Variants in PCDH9 observed in about 807,000 individuals in gnomAD.
PCDH9 encodes protocadherin 9.
In PCDH9, 24 loss-of-function variants were observed where a neutral mutation model predicts 70.6. That is an observed-to-expected ratio of 0.34 (90% CI 0.25 to 0.48). The LOEUF is 0.48. Ranked by LOEUF, PCDH9 falls within the 20% of genes least tolerant of loss-of-function variation. The pLI is 0.99. For missense variants in PCDH9, 1,281 were observed against 1,503.6 expected, an observed-to-expected ratio of 0.85 and a Z score of 2.45; for synonymous variants, 562 against 558.5, an observed-to-expected ratio of 1.01 and a Z score of -0.09.
chr13:66,807,165 C>T (rs2080423889), intron 3 of PCDH9, among the ~76,000 whole-genome samples: 1 of 152,084 alleles, frequency 6.6e-6, no homozygotes, highest in South Asian at 2.1e-4. Context: ...AATACCAATA[C>T]AAATATACTA....
intron 3 of PCDH9, among the ~76,000 whole-genome samples, chr13:66,869,530 T>G (rs2081635095): frequency 6.6e-6 from 1 of 152,164 alleles, no homozygotes; most frequent in African/African-American, 2.4e-5. Context: ...GTTCCCTTTC[T>G]AAATTGTATT....
chr13:66,925,882 A>T (rs1198765873), intron 2 of PCDH9, among the ~76,000 whole-genome samples: 2 of 152,028 alleles, frequency 1.3e-5, no homozygotes, highest in Admixed American at 6.6e-5. Flanking sequence ...TGTACACATG[A>T]TCATCTGAAT....
At chr13:66,706,146 A>G (rs999822729) in intron 3 of PCDH9, among the ~76,000 whole-genome samples, 1 of 152,228 alleles carries the variant, frequency 6.6e-6, no homozygotes, top group African/African-American at 2.4e-5. Context: ...TACCCTTACA[A>G]AGAAATAATT....
chr13:67,122,772 C>CAATAATAATAATAAT (rs56039213), intron 2 of PCDH9, among the ~76,000 whole-genome samples: 2 of 143,194 alleles, frequency 1.4e-5, no homozygotes, highest in African/African-American at 2.6e-5. Context: ...GACTCTGTCT[C>CAATAATAATAATAAT]AATAATAATA....
intron 3 of PCDH9, among the ~76,000 whole-genome samples, chr13:66,703,909 A>AT (rs1566516437): frequency 1.4e-5 from 2 of 144,030 alleles, no homozygotes; most frequent in South Asian, 4.9e-4. Flanking sequence ...TCAATTAAAA[A>AT]TTAAAAAAAA....
intron 3 of PCDH9, among the ~76,000 whole-genome samples, chr13:66,677,401 A>C (rs1319546730): frequency 6.6e-6 from 1 of 152,144 alleles, no homozygotes; most frequent in Non-Finnish European, 1.5e-5. Flanking sequence ...AAGATGTTTA[A>C]AAGTTTTTTT....
chr13:66,765,347 A>G (rs906821290), intron 3 of PCDH9, among the ~76,000 whole-genome samples: 6 of 152,000 alleles, frequency 3.9e-5, no homozygotes, highest in African/African-American at 1.5e-4. Flanking sequence ...ATAAATTTTT[A>G]ACTTTTCTAT....
intron 2 of PCDH9, among the ~76,000 whole-genome samples, chr13:67,151,387 C>T (rs905885224): frequency 6.6e-6 from 1 of 152,140 alleles, no homozygotes; most frequent in African/African-American, 2.4e-5. Flanking sequence ...TTATTTCCTA[C>T]AGCCTTTGCA....
chr13:66,565,211 C>G (rs375917266), intron 4 of PCDH9, among the ~76,000 whole-genome samples: 1 of 152,160 alleles, frequency 6.6e-6, no homozygotes. Flanking sequence ...TAATGTTTTT[C>G]ACTTTGTATC....
intron 4 of PCDH9, among the ~76,000 whole-genome samples, chr13:66,525,971 T>TC (rs2138621003): frequency 6.6e-6 from 1 of 152,214 alleles, no homozygotes; most frequent in South Asian, 2.1e-4. Context: ...GTACAGCTGT[T>TC]CCCTTTCAAT....
chr13:66,715,035 T>C (rs1036135412), intron 3 of PCDH9, among the ~76,000 whole-genome samples: 5 of 152,176 alleles, frequency 3.3e-5, no homozygotes, highest in African/African-American at 1.2e-4. Context: ...AAGAGTCTTA[T>C]AGGATCACTG....
chr13:67,016,482 A>G (rs1281158852), intron 2 of PCDH9, among the ~76,000 whole-genome samples: 2 of 152,218 alleles, frequency 1.3e-5, no homozygotes, highest in African/African-American at 4.8e-5. Context: ...TTCACAAATA[A>G]GTGGATTGGC....
chr13:66,809,676 T>G (rs892096950), intron 3 of PCDH9, among the ~76,000 whole-genome samples: 3 of 152,218 alleles, frequency 2.0e-5, no homozygotes, highest in African/African-American at 7.2e-5. Flanking sequence ...GTTTCTAATT[T>G]CAGTGCATTC....
intron 4 of PCDH9, among the ~76,000 whole-genome samples, chr13:66,441,011 G>A (rs923221771): frequency 3.9e-5 from 6 of 152,084 alleles, no homozygotes; most frequent in Non-Finnish European, 5.9e-5. Flanking sequence ...CACCATGATC[G>A]TTCTGTCTTT....
At chr13:66,935,572 T>C (rs1335244131) in intron 2 of PCDH9, among the ~76,000 whole-genome samples, 2 of 152,146 alleles carry the variant, frequency 1.3e-5, no homozygotes, top group African/African-American at 4.8e-5. Context: ...AGTGCAATAA[T>C]GCATAGGAAA....
At chr13:67,171,120 G>C (rs893325421) in intron 2 of PCDH9, among the ~76,000 whole-genome samples, 4 of 152,036 alleles carry the variant, frequency 2.6e-5, no homozygotes, top group African/African-American at 9.7e-5. Context: ...ACCATGAACT[G>C]GTGCCATATT....
chr13:66,395,825 A>C (rs1484894545), intron 4 of PCDH9, among the ~76,000 whole-genome samples: 1 of 152,070 alleles, frequency 6.6e-6, no homozygotes, highest in Non-Finnish European at 1.5e-5. Flanking sequence ...AAATGCTCTT[A>C]TAGTATCTTT....
chr13:66,846,882 A>AACACAC (rs1320767995), intron 3 of PCDH9, among the ~76,000 whole-genome samples: 1 of 54,448 alleles, frequency 1.8e-5, no homozygotes, highest in African/African-American at 4.7e-5. Context: ...CCTTTCTCAT[A>AACACAC]ATACACACAC....
At chr13:66,703,106 T>A (rs190085637) in intron 3 of PCDH9, among the ~76,000 whole-genome samples, 1 of 152,272 alleles carries the variant, frequency 6.6e-6, no homozygotes, top group East Asian at 1.9e-4. Flanking sequence ...AACAGCTGAG[T>A]TCTTATGGCT....
Sources: gnomAD v4.1 joint callset for allele counts (sites outside exome capture counted in the v4.1 genomes callset) on GRCh38, gnomAD v4.1.1 for gene constraint, MANE v1.5 for transcripts, NCBI Gene and HGNC (gene_info 2026-07-23, HGNC 2026-07-21) for gene names.